Variants in EPHA6 observed in about 807,000 individuals in gnomAD.
EPHA6 encodes EPH receptor A6.
EPHA6 carries 50 observed loss-of-function variants against 112.0 expected under a neutral mutation model. The ratio of observed to expected loss-of-function variants is 0.45; its 90% CI spans 0.36 to 0.56. The LOEUF (loss-of-function observed/expected upper bound fraction) is 0.56. Ranked by LOEUF, EPHA6 falls within the 20% of genes least tolerant of loss-of-function variation. EPHA6 has a pLI of 0.00. For synonymous variants in EPHA6, 529 were observed against 490.7 expected, an observed-to-expected ratio of 1.08 and a Z score of -1.03; for missense variants, 1,280 against 1,417.4, an observed-to-expected ratio of 0.90 and a Z score of 1.56.
chr3:97,575,489 A>G (rs900849838), intron 11 of EPHA6, among the ~76,000 whole-genome samples: 1 of 152,210 alleles, frequency 6.6e-6, no homozygotes, highest in African/African-American at 2.4e-5. Context: ...TACTCATTTC[A>G]TATCTACGTA....
At chr3:97,694,779 C>T (rs960781333) in intron 14 of EPHA6, among the ~76,000 whole-genome samples, 17 of 152,154 alleles carry the variant, frequency 1.1e-4, no homozygotes, top group Non-Finnish European at 1.6e-4. Context: ...GGATTAAAAA[C>T]GTGGCTTAAC....
intron 9 of EPHA6, among the ~76,000 whole-genome samples, chr3:97,482,186 A>G (rs565172163): frequency 2.6e-5 from 4 of 152,328 alleles, no homozygotes; most frequent in Admixed American, 2.6e-4. Flanking sequence ...AATGTGTACC[A>G]CCTTAAATAA....
intron 11 of EPHA6, chr3:97,560,722 G>A (rs544414252): frequency 7.2e-5 from 11 of 152,092 alleles, no homozygotes; most frequent in South Asian, 4.1e-4. Flanking sequence ...TTCTATGGAC[G>A]TAGCATCTAA....
chr3:97,277,375 A>G (rs1436725059), intron 5 of EPHA6, among the ~76,000 whole-genome samples: 1 of 152,154 alleles, frequency 6.6e-6, no homozygotes, highest in East Asian at 1.9e-4. Context: ...GGGATGAGCC[A>G]GGATGAGCCA....
intron 3 of EPHA6, among the ~76,000 whole-genome samples, chr3:97,041,225 C>CT (rs34080331): frequency 1.3e-5 from 2 of 152,140 alleles, no homozygotes; most frequent in South Asian, 2.1e-4. Flanking sequence ...ACAGATACAC[C>CT]TTTTTTTAGA....
At chr3:96,966,524 A>G (rs116109145) in intron 2 of EPHA6, among the ~76,000 whole-genome samples, 2,861 of 152,254 alleles carry the variant, frequency 0.019, 73 homozygotes, top group African/African-American at 0.052. Context: ...GTAATTACGT[A>G]TCTGCTCCCA....
At chr3:97,709,628 A>AG (rs1446702140) in intron 14 of EPHA6, among the ~76,000 whole-genome samples, 3 of 152,146 alleles carry the variant, frequency 2.0e-5, no homozygotes, top group African/African-American at 7.2e-5. Context: ...GAGATTTGGG[A>AG]GGGGCCAGGG....
At chr3:97,179,612 C>CTT (rs2108447259) in intron 3 of EPHA6, among the ~76,000 whole-genome samples, 1 of 152,158 alleles carries the variant, frequency 6.6e-6, no homozygotes, top group African/African-American at 2.4e-5. Context: ...TTCTTACAGA[C>CTT]TTTTAGAGGT....
intron 2 of EPHA6, among the ~76,000 whole-genome samples, chr3:96,923,718 A>G (rs1675979973): frequency 2.6e-5 from 4 of 152,228 alleles, no homozygotes; most frequent in Non-Finnish European, 5.9e-5. Context: ...TGTGTCCTGA[A>G]TGGTATTCCC....
chr3:97,633,991 G>A (rs972175079), intron 13 of EPHA6, among the ~76,000 whole-genome samples: 1 of 152,032 alleles, frequency 6.6e-6, no homozygotes, highest in African/African-American at 2.4e-5. Context: ...GACCTTAGAA[G>A]TCTTTATATG....
At chr3:97,065,040 G>A (rs899555899) in intron 3 of EPHA6, among the ~76,000 whole-genome samples, 4 of 152,030 alleles carry the variant, frequency 2.6e-5, no homozygotes, top group African/African-American at 4.8e-5. Flanking sequence ...ATTTGCTGCC[G>A]ATAGAAAATA....
intron 5 of EPHA6, among the ~76,000 whole-genome samples, chr3:97,286,679 GC>G (rs2080475520): frequency 6.7e-6 from 1 of 150,298 alleles, no homozygotes; most frequent in African/African-American, 2.4e-5. Context: ...GAAGCCTCAA[GC>G]TTTTTTTTTT....
chr3:97,119,638 G>C (rs1480166128), intron 3 of EPHA6, among the ~76,000 whole-genome samples: 1 of 152,002 alleles, frequency 6.6e-6, no homozygotes, highest in Non-Finnish European at 1.5e-5. Flanking sequence ...AGGATTCTGA[G>C]TGATTACTAT....
chr3:97,508,200 T>C (rs1403079747), intron 10 of EPHA6, among the ~76,000 whole-genome samples: 2 of 152,180 alleles, frequency 1.3e-5, no homozygotes, highest in Non-Finnish European at 2.9e-5. Context: ...TCTTGTCTTC[T>C]GCTAGCTTTT....
chr3:97,175,044 G>A (rs1241632325), intron 3 of EPHA6, among the ~76,000 whole-genome samples: 1 of 151,922 alleles, frequency 6.6e-6, no homozygotes, highest in Non-Finnish European at 1.5e-5. Flanking sequence ...TTAGATGTAA[G>A]TATTTAATTT....
intron 14 of EPHA6, among the ~76,000 whole-genome samples, chr3:97,645,811 A>G (rs2094056187): frequency 6.6e-6 from 1 of 152,072 alleles, no homozygotes; most frequent in Non-Finnish European, 1.5e-5. Flanking sequence ...TTGAACGTAT[A>G]TTTTACCTCA....
chr3:97,131,858 G>C (rs1398666975), intron 3 of EPHA6, among the ~76,000 whole-genome samples: 1 of 152,136 alleles, frequency 6.6e-6, no homozygotes, highest in Non-Finnish European at 1.5e-5. Flanking sequence ...ATGTTAGCAA[G>C]TCAGCCATAG....
chr3:97,694,923 CT>C (rs940368913), intron 14 of EPHA6, among the ~76,000 whole-genome samples: 1 of 152,150 alleles, frequency 6.6e-6, no homozygotes, highest in African/African-American at 2.4e-5. Flanking sequence ...ATAGAGTCAA[CT>C]TTTTTTAACT....
At chr3:97,199,289 G>A (rs1191494869) in intron 3 of EPHA6, among the ~76,000 whole-genome samples, 3 of 152,054 alleles carry the variant, frequency 2.0e-5, no homozygotes, top group Admixed American at 1.3e-4. Flanking sequence ...GCAATTTCCT[G>A]GGCATGATTT....
Sources: gnomAD v4.1 joint callset for allele counts (sites outside exome capture counted in the v4.1 genomes callset) on GRCh38, gnomAD v4.1.1 for gene constraint, MANE v1.5 for transcripts, NCBI Gene and HGNC (gene_info 2026-07-23, HGNC 2026-07-21) for gene names.